ARHGAP24: variants seen among roughly 807,000 people sequenced by gnomAD.
ARHGAP24 encodes Rho GTPase activating protein 24, also known as rho GTPase-activating protein 24.
Under a neutral mutation model 76.4 loss-of-function variants are expected in ARHGAP24, and 50 were observed. That is an observed-to-expected ratio of 0.65 (90% confidence interval 0.52 to 0.83). ARHGAP24 has a LOEUF of 0.83. ARHGAP24 is among the 40% of genes least tolerant of loss of function. The pLI is 0.00. For synonymous variants in ARHGAP24, 345 were observed against 323.3 expected (o/e 1.07, Z -0.72); for missense variants, 930 against 914.2 (o/e 1.02, Z -0.22).
intron 1 of ARHGAP24, among the ~76,000 whole-genome samples, chr4:85,542,990 T>C (rs1725764903): frequency 6.6e-6 from 1 of 152,208 alleles, no homozygotes; most frequent in Non-Finnish European, 1.5e-5. Flanking sequence ...GTAAATAATA[T>C]ATAACGTTTG....
At chr4:85,533,341 T>G (rs1725343793) in intron 1 of ARHGAP24, among the ~76,000 whole-genome samples, 1 of 152,214 alleles carries the variant, frequency 6.6e-6, no homozygotes, top group African/African-American at 2.4e-5. Flanking sequence ...TATACTTTGG[T>G]GAAATGCATC....
intron 3 of ARHGAP24, among the ~76,000 whole-genome samples, chr4:85,770,380 A>G (rs1727089342): frequency 6.6e-6 from 1 of 152,214 alleles, no homozygotes; most frequent in Admixed American, 6.5e-5. Context: ...TTTCTCACCT[A>G]AGAAAATTCC....
intron 2 of ARHGAP24, among the ~76,000 whole-genome samples, chr4:85,646,325 T>C (rs937236832): frequency 1.5e-4 from 23 of 152,208 alleles, no homozygotes; most frequent in African/African-American, 5.5e-4. Context: ...TCATCATCAT[T>C]ATAAAGGAAT....
Position 86,001,655 on chromosome 4 carries a change from C to G in ARHGAP24, c.*933C>G, listed in dbSNP as rs1448576884. ...CCCACGTGAGCACCTGTCTCCCACT[C>G]AAACCTCTCCCATCTCCCAACAACT... is the stretch of plus-strand genomic sequence containing the variant. On this transcript the variant is annotated 3_prime_UTR_variant, in exon 10 of 10. Coordinates refer to ENST00000395184, the MANE Select transcript of ARHGAP24 (RefSeq NM_001025616.3). 1 of 384,278 alleles carries G rather than the reference C, an allele frequency of 2.6e-6. No homozygotes were observed. The highest frequency in any genetic ancestry group is 4.6e-6 in the Non-Finnish European group (1 of 217,866). 23.8% of individuals were successfully genotyped at this position (384,278 alleles called of 1,614,324 possible).
chr4:85,888,314 C>T (rs769847019), intron 3 of ARHGAP24, among the ~76,000 whole-genome samples: 2 of 150,584 alleles, frequency 1.3e-5, no homozygotes, highest in Non-Finnish European at 2.9e-5. Context: ...ACAGGAAAAT[C>T]GCTTGAATCC....
intron 9 of ARHGAP24, among the ~76,000 whole-genome samples, chr4:85,997,346 A>T (rs2148873479): frequency 6.7e-6 from 1 of 148,602 alleles, no homozygotes; most frequent in African/African-American, 2.6e-5. Flanking sequence ...ATAGATAGAG[A>T]GATAGATAAT....
chr4:85,929,577 G>T (rs998248403), intron 4 of ARHGAP24, among the ~76,000 whole-genome samples: 3 of 152,316 alleles, frequency 2.0e-5, no homozygotes, highest in South Asian at 4.1e-4. Context: ...ACGGGCAAGA[G>T]CATGGAAGAA....
intron 1 of ARHGAP24, among the ~76,000 whole-genome samples, chr4:85,479,199 A>AT (rs1722716792): frequency 6.6e-6 from 1 of 152,192 alleles, no homozygotes; most frequent in Non-Finnish European, 1.5e-5. Context: ...TCCACTTTCC[A>AT]TACCACCCCA....
At chr4:85,819,902 A>G (rs1729396144) in intron 3 of ARHGAP24, among the ~76,000 whole-genome samples, 1 of 152,146 alleles carries the variant, frequency 6.6e-6, no homozygotes, top group African/African-American at 2.4e-5. Flanking sequence ...CATGATTGAA[A>G]ATTTCCTGAG....
intron 2 of ARHGAP24, among the ~76,000 whole-genome samples, chr4:85,663,789 G>A (rs1461624817): frequency 1.3e-5 from 2 of 151,652 alleles, no homozygotes; most frequent in Non-Finnish European, 2.9e-5. Flanking sequence ...TGTGGTTTTT[G>A]TCTTTGGTTC....
intron 3 of ARHGAP24, among the ~76,000 whole-genome samples, chr4:85,743,492 C>G (rs1172355182): frequency 6.7e-6 from 1 of 148,242 alleles, no homozygotes; most frequent in African/African-American, 2.5e-5. Flanking sequence ...CACTTGAGCC[C>G]AGAAGGCTGA....
rs531671580 is a variant in ARHGAP24, at chr4:85,783,452, A to T, written c.268+61480A>T. On this transcript the variant is annotated intron_variant, in intron 3 of 9. Transcript: ENST00000395184. ...ATTTCAGAACTGAAATGACTTGGAA[A>T]TTAGTGAGTCCTGATCACTTTTTTT... Among the ~76,000 whole-genome samples the T allele has an allele frequency of 2.4e-4, 36 of 152,178 alleles. No homozygotes were observed. In the South Asian group the frequency reaches 6.0e-3, roughly 25 times the overall value.
intron 2 of ARHGAP24, among the ~76,000 whole-genome samples, chr4:85,665,824 A>G (rs568344385): frequency 1.3e-5 from 2 of 152,014 alleles, no homozygotes; most frequent in African/African-American, 2.4e-5. Flanking sequence ...TCTTTTCTTT[A>G]AGAATGTTGA....
intron 1 of ARHGAP24, among the ~76,000 whole-genome samples, chr4:85,538,099 TAGGG>T (rs1725541886): frequency 6.6e-6 from 1 of 152,014 alleles, no homozygotes; most frequent in South Asian, 2.1e-4. Flanking sequence ...CATTAATAGT[TAGGG>T]AGGGGTAACC....
intron 6 of ARHGAP24, 26 bp from the exon 7 acceptor site, chr4:85,974,862 A>G: frequency 1.2e-6 from 2 of 1,607,976 alleles, no homozygotes; most frequent in South Asian, 1.1e-5. Flanking sequence ...TAGAAAAATA[A>G]TATTTATTTT....
chr4:85,711,428 G>A (rs1251905692), intron 2 of ARHGAP24, among the ~76,000 whole-genome samples: 1 of 152,058 alleles, frequency 6.6e-6, no homozygotes, highest in Non-Finnish European at 1.5e-5. Flanking sequence ...GAAATATGTT[G>A]TTTTCTCTGC....
At chr4:85,597,717 G>T (rs1219217731) in intron 2 of ARHGAP24, among the ~76,000 whole-genome samples, 1 of 151,816 alleles carries the variant, frequency 6.6e-6, no homozygotes, top group Non-Finnish European at 1.5e-5. Context: ...TAAATAGGTG[G>T]TACTTTTATT....
intron 4 of ARHGAP24, chr4:85,930,955 G>A: frequency 6.2e-7 from 1 of 1,613,578 alleles, no homozygotes; most frequent in South Asian, 1.1e-5. Flanking sequence ...GAATTCTGGG[G>A]GGTGCCCGGC....
chr4:85,909,302 G>GTT (rs1035331219), intron 3 of ARHGAP24, among the ~76,000 whole-genome samples: 2 of 150,382 alleles, frequency 1.3e-5, no homozygotes, highest in African/African-American at 2.5e-5. Context: ...CTTTTGTTTT[G>GTT]TTTTTTTTAA....
Sources: allele counts gnomAD v4.1 joint callset (sites outside exome capture counted in the v4.1 genomes callset), GRCh38; gene constraint gnomAD v4.1.1; transcripts MANE v1.5; gene names NCBI Gene and HGNC (gene_info 2026-07-23, HGNC 2026-07-21).